SNW1: variants seen among roughly 807,000 people sequenced by gnomAD.
SNW1 encodes the protein SNW domain containing 1.
A neutral mutation model predicts 75.6 loss-of-function variants in SNW1; 9 were observed. That is an observed-to-expected ratio of 0.12 (90% CI 0.07 to 0.21). The LOEUF (loss-of-function observed/expected upper bound fraction) is 0.21. Ranked by LOEUF, SNW1 falls within the 10% of genes least tolerant of loss-of-function variation. The probability of loss-of-function intolerance (pLI) is 1.00; values close to 1 mark genes in which losing one functional copy is unlikely to be tolerated. For missense variants in SNW1, 409 were observed against 670.9 expected, an observed-to-expected ratio of 0.61 and a Z score of 4.31; for synonymous variants, 200 against 219.1, an observed-to-expected ratio of 0.91 and a Z score of 0.77.
chr14:77,722,884 G>T lies in SNW1; in HGVS notation c.1130+297C>A, dbSNP rs762128369. ...TTGTGAGATGGAGTCTCGCTCTGTC[G>T]CCCAGGCTGGAATGCAGTGGCGTGA... On this transcript the variant is annotated intron_variant, in intron 11 of 13. Coordinates refer to ENST00000261531, the MANE Select transcript of SNW1 (RefSeq NM_012245.3). 2.8e-5 allele frequency: 10 copies of T among 353,276 alleles called. No individual in the cohort carries two copies. The East Asian group carries it at 8.3e-4, about 29-fold the overall frequency. 21.9% of individuals were successfully genotyped at this position (353,276 alleles called of 1,614,324 possible). A position where few individuals can be genotyped will look rare whatever the true frequency, so the allele number is the denominator to read the frequency against.
intron 3 of SNW1, among the ~76,000 whole-genome samples, chr14:77,746,452 G>A (rs967444486): frequency 6.6e-6 from 1 of 152,134 alleles, no homozygotes; most frequent in African/African-American, 2.4e-5. Flanking sequence ...ATAGATGGAA[G>A]GTCTGAGGGA....
At chr14:77,726,369 G>C (rs1162291718) in intron 10 of SNW1, among the ~76,000 whole-genome samples, 2 of 152,024 alleles carry the variant, frequency 1.3e-5, no homozygotes, top group Admixed American at 1.3e-4. Flanking sequence ...GTGTTGCCCA[G>C]GGTGGTCTTG....
At chr14:77,741,484 C>G (rs1347284537) in intron 3 of SNW1, among the ~76,000 whole-genome samples, 2 of 152,096 alleles carry the variant, frequency 1.3e-5, no homozygotes, top group Admixed American at 6.5e-5. Context: ...TTGTTTTTCT[C>G]AGGAGTGAGA....
intron 1 of SNW1, chr14:77,760,822 G>A (rs1258480800): frequency 1.4e-6 from 1 of 722,646 alleles, no homozygotes; most frequent in Non-Finnish European, 2.5e-6. Flanking sequence ...AGGGAGCGCT[G>A]TCCGCTCCCC....
At chr14:77,719,671 A>AAATCAAGACACCCAGTTTG (rs1203777821) in intron 12 of SNW1, among the ~76,000 whole-genome samples, 1 of 151,946 alleles carries the variant, frequency 6.6e-6, no homozygotes, top group African/African-American at 2.4e-5. Flanking sequence ...AAAAACTTTG[A>AAATCAAGACACCCAGTTTG]AATCAAGACA....
chr14:77,725,583 A>G (rs1190079530), intron 10 of SNW1, among the ~76,000 whole-genome samples: 1 of 152,192 alleles, frequency 6.6e-6, no homozygotes, highest in East Asian at 1.9e-4. Flanking sequence ...TATTGAAGAG[A>G]CTATCCTTTC....
chr14:77,753,472 A>G (rs529596373), intron 2 of SNW1, among the ~76,000 whole-genome samples: 4 of 152,220 alleles, frequency 2.6e-5, no homozygotes, highest in South Asian at 4.1e-4. Context: ...CATAAATAAC[A>G]CTATCAGAGA....
In SNW1 at chr14:77,722,023, C is replaced by A. The variant is rs145201248; in HGVS notation, c.1130+1158G>T. 7.5e-3 allele frequency among the ~76,000 whole-genome samples: 1,135 copies of A among 152,336 alleles called. 10 individuals are homozygous for A. The highest frequency in any genetic ancestry group is 0.026 in the African/African-American group (1,092 of 41,580). On this transcript the variant is annotated intron_variant, in intron 11 of 13. Transcript: ENST00000261531. ...TTGGCCTGCCAAAGTGCTGGGATTA[C>A]AGGTGTCAGCCACTGTGCCCGGCCT...
At chr14:77,752,272 G>C (rs1484846203) in intron 2 of SNW1, among the ~76,000 whole-genome samples, 1 of 152,144 alleles carries the variant, frequency 6.6e-6, no homozygotes, top group Non-Finnish European at 1.5e-5. Context: ...GAAGGATCCA[G>C]AAATGAGTTT....
At chr14:77,735,875 G>T in intron 7 of SNW1, 62 bp downstream of exon 7, 3 of 1,291,056 alleles carry the variant, frequency 2.3e-6, no homozygotes, top group Admixed American at 1.8e-5. Context: ...GCATAGGGAG[G>T]TTATCTATAA....
intron 7 of SNW1, among the ~76,000 whole-genome samples, 158 bp from the exon 8 acceptor site, chr14:77,735,170 C>T (rs1004912226): frequency 6.6e-6 from 1 of 152,156 alleles, no homozygotes; most frequent in Admixed American, 6.6e-5. Flanking sequence ...ACTAGTTTAC[C>T]ATATAATTCT....
intron 10 of SNW1, among the ~76,000 whole-genome samples, chr14:77,726,508 T>C (rs1372787080): frequency 1.3e-5 from 2 of 152,136 alleles, no homozygotes; most frequent in Non-Finnish European, 2.9e-5. Flanking sequence ...TGGCGATCTT[T>C]CACTTCTTTG....
chr14:77,758,999 C>A (rs991434585), intron 1 of SNW1, among the ~76,000 whole-genome samples: 2 of 152,246 alleles, frequency 1.3e-5, no homozygotes, highest in African/African-American at 2.4e-5. Context: ...GGCCACTGGC[C>A]AACTAACTAC....
At chr14:77,752,696 T>C (rs1478882579) in intron 2 of SNW1, among the ~76,000 whole-genome samples, 4 of 152,074 alleles carry the variant, frequency 2.6e-5, no homozygotes, top group African/African-American at 9.7e-5. Context: ...ATGAGTACTA[T>C]TAAGAAATAA....
intron 6 of SNW1, among the ~76,000 whole-genome samples, chr14:77,736,295 C>T (rs1009356561): frequency 1.2e-4 from 18 of 152,142 alleles, no homozygotes; most frequent in African/African-American, 4.3e-4. Context: ...TGCCTGTAAT[C>T]CCAGCACTTT....
intron 3 of SNW1, among the ~76,000 whole-genome samples, chr14:77,740,505 C>T (rs1265144135): frequency 4.6e-5 from 7 of 152,106 alleles, no homozygotes. Context: ...CCTTACAACT[C>T]TCACTCTCTC....
intron 3 of SNW1, among the ~76,000 whole-genome samples, chr14:77,750,927 A>G (rs1480566075): frequency 6.6e-6 from 1 of 152,222 alleles, no homozygotes; most frequent in Non-Finnish European, 1.5e-5. Context: ...GGAGGAAATG[A>G]GTCAAGACTA....
intron 1 of SNW1, 191 bp downstream of exon 1, chr14:77,760,923 A>C: frequency 7.5e-7 from 1 of 1,324,606 alleles, no homozygotes; most frequent in Non-Finnish European, 1.1e-6. Context: ...AAACCCGGGA[A>C]ACCGCTGAAA....
At chr14:77,754,046 A>AT (rs1160635783) in intron 2 of SNW1, among the ~76,000 whole-genome samples, 1 of 151,554 alleles carries the variant, frequency 6.6e-6, no homozygotes, top group South Asian at 2.1e-4. Context: ...TTTTATTTTT[A>AT]TTTTTTATTT....
Sources: allele counts gnomAD v4.1 joint callset (sites outside exome capture counted in the v4.1 genomes callset), GRCh38; gene constraint gnomAD v4.1.1; transcripts MANE v1.5; gene names NCBI Gene and HGNC (gene_info 2026-07-23, HGNC 2026-07-21).